Variants in ANKRD6 observed in about 807,000 individuals in gnomAD.
The protein encoded by ANKRD6 is ankyrin repeat domain-containing protein 6.
A neutral mutation model predicts 82.3 loss-of-function variants in ANKRD6; 56 were observed. The ratio of observed to expected loss-of-function variants is 0.68; its 90% confidence interval spans 0.55 to 0.85. The LOEUF (loss-of-function observed/expected upper bound fraction) is 0.85, where lower values mean the gene tolerates loss of function less well. Among genes scored for constraint, ANKRD6 ranks in the 40% least tolerant of loss-of-function variants. ANKRD6 has a pLI of 0.00. For missense variants in ANKRD6, 852 were observed against 907.6 expected (o/e 0.94, Z 0.79); for synonymous variants, 347 against 352.1 (o/e 0.99, Z 0.16).
chr6:89,440,710 G>A (rs923990361), intron 1 of ANKRD6, among the ~76,000 whole-genome samples: 2 of 151,960 alleles, frequency 1.3e-5, no homozygotes, highest in Admixed American at 1.3e-4. Flanking sequence ...AGGATCGATC[G>A]CTTGAGCCCA....
At chr6:89,514,741 T>G (rs1021173343) in intron 1 of ANKRD6, among the ~76,000 whole-genome samples, 18 of 152,320 alleles carry the variant, frequency 1.2e-4, no homozygotes, top group Middle Eastern at 6.8e-3. Flanking sequence ...TGGAATTGTT[T>G]GGGCATGGGA....
rs34892881 is a variant in ANKRD6, at chr6:89,588,994, C to CAAA, written c.121-6900_121-6898dup. On this transcript the variant is annotated intron_variant, in intron 2 of 15. Transcript: ENST00000339746. ...GGTGAGACAGAGCGAGACTCTGTCT[C>CAAA]AAAAAAAAAAAAAAAAAAAAAAAAG... Among the ~76,000 whole-genome samples the CAAA allele has an allele frequency of 1.0e-3, 48 of 48,178 alleles. 1 individual carries two copies. The highest frequency in any genetic ancestry group is 7.8e-3 in the South Asian group (7 of 900). 31.6% of individuals were successfully genotyped at this position (48,178 alleles called of 152,430 possible).
chr6:89,609,068 C>G (rs1464300174), intron 5 of ANKRD6, among the ~76,000 whole-genome samples: 1 of 152,210 alleles, frequency 6.6e-6, no homozygotes, highest in African/African-American at 2.4e-5. Flanking sequence ...TCCCCGAAGA[C>G]CCACTGGGCT....
chr6:89,533,158 A>G (rs1257483101), intron 1 of ANKRD6, among the ~76,000 whole-genome samples: 1 of 152,094 alleles, frequency 6.6e-6, no homozygotes, highest in Non-Finnish European at 1.5e-5. Flanking sequence ...GACAGGCGTG[A>G]GCCACTGCTC....
intron 1 of ANKRD6, among the ~76,000 whole-genome samples, chr6:89,516,702 C>G (rs1225852429): frequency 6.6e-6 from 1 of 152,180 alleles, no homozygotes; most frequent in Non-Finnish European, 1.5e-5. Context: ...GTCTCAAACT[C>G]CTGGCCTCAA....
At chr6:89,522,316 G>A (rs1450702735) in intron 1 of ANKRD6, among the ~76,000 whole-genome samples, 2 of 152,202 alleles carry the variant, frequency 1.3e-5, no homozygotes, top group African/African-American at 4.8e-5. Context: ...GGGGCTTTTT[G>A]AGGCTGTTGC....
intron 1 of ANKRD6, among the ~76,000 whole-genome samples, chr6:89,491,551 C>T (rs1158273807): frequency 2.0e-5 from 3 of 151,946 alleles, no homozygotes; most frequent in Non-Finnish European, 2.9e-5. Flanking sequence ...AAAAGCCAAA[C>T]ACCGCATGTT....
intron 8 of ANKRD6, chr6:89,616,895 A>T: frequency 1.5e-6 from 1 of 647,556 alleles, no homozygotes; most frequent in Non-Finnish European, 2.9e-6. Flanking sequence ...CAGTGAACAC[A>T]ACCTGGCATG....
rs955831057 is a variant in ANKRD6 at position 89,454,050 on chromosome 6, G to A, written c.-144+20675G>A. Among the ~76,000 whole-genome samples, 4 of 152,118 alleles carry A rather than the reference G, an allele frequency of 2.6e-5. No individual in the cohort carries two copies. The East Asian group carries it at 5.8e-4, about 22-fold the overall frequency. ...ACTCCTGACCTCAGGTGATCCACCCGCCTCACCCTCCCAAAGTGCTGGGAT... is the reference window on the plus strand; with the variant it reads ...ACTCCTGACCTCAGGTGATCCACCCACCTCACCCTCCCAAAGTGCTGGGAT... On this transcript the variant is annotated intron_variant, in intron 1 of 15. Transcript: ENST00000339746.
intron 1 of ANKRD6, among the ~76,000 whole-genome samples, chr6:89,468,899 C>G (rs1463762347): frequency 6.6e-6 from 1 of 152,166 alleles, no homozygotes; most frequent in Non-Finnish European, 1.5e-5. Context: ...TACCTCCTCA[C>G]CTCTCATTTA....
chr6:89,551,142 G>A (rs189185763), intron 1 of ANKRD6, among the ~76,000 whole-genome samples: 1 of 152,262 alleles, frequency 6.6e-6, no homozygotes, highest in Admixed American at 6.5e-5. Flanking sequence ...CAGAGCCTGG[G>A]CTGGGAGGCA....
intron 1 of ANKRD6, among the ~76,000 whole-genome samples, chr6:89,542,820 A>T (rs949439207): frequency 6.6e-6 from 1 of 152,088 alleles, no homozygotes; most frequent in South Asian, 2.1e-4. Flanking sequence ...TCCACAATCT[A>T]CTCATATGAG....
In ANKRD6 at chr6:89,487,366, A is replaced by G. The variant is rs142358832; in HGVS notation, c.-144+53991A>G. ...TTCTTGCAATTAAATTCTTTCTGAC[A>G]TGCAGAGTATTACTTTAGGATCATT... On this transcript the variant is annotated intron_variant, in intron 1 of 15. Coordinates refer to ENST00000339746, the MANE Select transcript of ANKRD6 (RefSeq NM_001242809.2). 3.0e-3 allele frequency among the ~76,000 whole-genome samples: 453 copies of G among 152,358 alleles called. 7 individuals are homozygous for G. The highest frequency in any genetic ancestry group is 0.01 in the African/African-American group (427 of 41,594).
rs192607941 is a variant in ANKRD6, at chr6:89,630,659, C to A, written c.1839C>A (p.Cys613Ter). ...GATCTGATCAGCAGGCTGGGCCCTG[C>A]GTCAACAGAGGCACTCAAACTAAGA... is the stretch of plus-strand genomic sequence containing the variant. Reference protein sequence around the residue: ...AARSDQQAGPCVNRGTQTKKS... With the variant: ...AARSDQQAGP The change falls in exon 16 of 16, where the codon TGC (cysteine) becomes TGA (stop). Residue 613 changes from cysteine (C) to a stop codon, truncating the protein, a stop_gained. Transcript: ENST00000339746. LOFTEE classifies it high-confidence loss of function. 6.2e-7 allele frequency: 1 copy of A among 1,613,760 alleles called. No homozygotes were observed. The highest frequency in any genetic ancestry group is 8.5e-7 in the Non-Finnish European group (1 of 1,179,844).
At chr6:89,531,804 G>A (rs959062679) in intron 1 of ANKRD6, among the ~76,000 whole-genome samples, 3 of 152,230 alleles carry the variant, frequency 2.0e-5, no homozygotes, top group African/African-American at 7.2e-5. Flanking sequence ...AGGCCAATAG[G>A]TTGTGTGTAT....
intron 1 of ANKRD6, among the ~76,000 whole-genome samples, chr6:89,471,891 G>T (rs987177046): frequency 1.5e-5 from 2 of 130,676 alleles, no homozygotes; most frequent in Non-Finnish European, 3.1e-5. Context: ...GTGAGATGAG[G>T]TCACGCCATT....
chr6:89,545,676 T>G (rs1413393654), intron 1 of ANKRD6, among the ~76,000 whole-genome samples: 1 of 152,182 alleles, frequency 6.6e-6, no homozygotes, highest in Non-Finnish European at 1.5e-5. Context: ...GAACTAAATC[T>G]TGAAGAAAAC....
intron 3 of ANKRD6, chr6:89,598,064 G>T (rs1241654449): frequency 1.0e-6 from 1 of 975,688 alleles, no homozygotes; most frequent in Non-Finnish European, 1.2e-6. Flanking sequence ...ATGATATGAA[G>T]AATTTACTCC....
chr6:89,624,463 G>A, intron 12 of ANKRD6, 76 bp from the exon 13 acceptor site: 1 of 1,495,500 alleles, frequency 6.7e-7, no homozygotes, highest in Admixed American at 2.1e-5. Flanking sequence ...ATACTGCCTG[G>A]CACGTGGATG....
Sources: allele counts gnomAD v4.1 joint callset (sites outside exome capture counted in the v4.1 genomes callset), GRCh38; gene constraint gnomAD v4.1.1; transcripts MANE v1.5; gene names NCBI Gene and HGNC (gene_info 2026-07-23, HGNC 2026-07-21).